The following PKNOX1 variants were observed in gnomAD, a reference collection of about 807,000 sequenced individuals.
PKNOX1 encodes homeobox protein PKNOX1.
In PKNOX1, 15 loss-of-function variants were observed where a neutral mutation model predicts 51.9. The observed-to-expected ratio is 0.29, with a 90% CI of 0.19 to 0.45. The LOEUF is 0.45. PKNOX1 is among the 20% of genes least tolerant of loss of function. PKNOX1 has a pLI of 1.00. For synonymous variants in PKNOX1, 219 were observed against 211.1 expected, an observed-to-expected ratio of 1.04 and a Z score of -0.32; for missense variants, 462 against 547.5, an observed-to-expected ratio of 0.84 and a Z score of 1.56.
At chr21:43,008,281 C>T (rs1034806627) in intron 3 of PKNOX1, among the ~76,000 whole-genome samples, 9 of 152,076 alleles carry the variant, frequency 5.9e-5, no homozygotes, top group African/African-American at 1.7e-4. Context: ...GTGAATGCTT[C>T]CCAACTCACT....
chr21:43,008,096 C>CACACACACACAA (rs1336357559), intron 3 of PKNOX1, among the ~76,000 whole-genome samples: 2 of 145,262 alleles, frequency 1.4e-5, no homozygotes, highest in Admixed American at 6.9e-5. Context: ...CACACACACA[C>CACACACACACAA]AAAGATGTTA....
Position 43,013,304 on chromosome 21 carries a change from A to G in PKNOX1, c.522+66A>G. 2.5e-6 allele frequency: 3 copies of G among 1,185,682 alleles called. No homozygotes were observed. In the South Asian group the frequency reaches 5.0e-5, roughly 20 times the overall value. 73.4% of individuals were successfully genotyped at this position (1,185,682 alleles called of 1,614,324 possible). A position where few individuals can be genotyped will look rare whatever the true frequency, so the allele number is the denominator to read the frequency against. ...GTGAACATCTGCATTGAGTCATGAG[A>G]CCACCAGCTCTTTCAGAATTCACTG... is the stretch of plus-strand genomic sequence containing the variant. On this transcript the variant is annotated intron_variant, in intron 5 of 10. Transcript: ENST00000291547.
intron 9 of PKNOX1, among the ~76,000 whole-genome samples, chr21:43,026,421 GT>G (rs1979984926): frequency 6.6e-6 from 1 of 152,070 alleles, no homozygotes; most frequent in Admixed American, 6.6e-5. Flanking sequence ...CCCATCATTA[GT>G]TCATGCCTCT....
rs377429304 is a variant in PKNOX1, at chr21:42,999,076, C to T, written c.-56-5250C>T. On this transcript the variant is annotated intron_variant, in intron 1 of 10. Transcript: ENST00000291547. ...CAACATCTGCCTGGACATCCAGGCACTTCTGTATATTTTCTGAAATCTAGG... is the reference window on the plus strand; with the variant it reads ...CAACATCTGCCTGGACATCCAGGCATTTCTGTATATTTTCTGAAATCTAGG... Among the ~76,000 whole-genome samples the T allele has an allele frequency of 5.3e-5, 8 of 152,366 alleles. No individual in the cohort carries two copies. The South Asian group carries it at 6.2e-4, about 12-fold the overall frequency.
intron 1 of PKNOX1, among the ~76,000 whole-genome samples, chr21:43,001,053 G>A (rs1978730477): frequency 6.6e-6 from 1 of 152,184 alleles, no homozygotes; most frequent in African/African-American, 2.4e-5. Flanking sequence ...AAATTGGAGG[G>A]AAAGCAGAGA....
intron 9 of PKNOX1, among the ~76,000 whole-genome samples, chr21:43,027,334 T>C (rs1980026535): frequency 1.3e-5 from 2 of 152,210 alleles, no homozygotes; most frequent in South Asian, 4.1e-4. Flanking sequence ...ATGTTGTTTT[T>C]CTTTCCGTTT....
At chr21:43,020,219 C>T (rs1251400401) in intron 7 of PKNOX1, among the ~76,000 whole-genome samples, 1 of 152,232 alleles carries the variant, frequency 6.6e-6, no homozygotes, top group Non-Finnish European at 1.5e-5. Flanking sequence ...AGGTGTGAGC[C>T]ACTGTGCCTG....
intron 5 of PKNOX1, among the ~76,000 whole-genome samples, chr21:43,016,052 T>G (rs1411143808): frequency 2.0e-5 from 3 of 152,262 alleles, no homozygotes; most frequent in Non-Finnish European, 2.9e-5. Flanking sequence ...CTAATTAATG[T>G]GGCAGGCTTT....
chr21:42,984,471 C>T (rs2059041788), intron 1 of PKNOX1, among the ~76,000 whole-genome samples: 1 of 152,046 alleles, frequency 6.6e-6, no homozygotes, highest in South Asian at 2.1e-4. Flanking sequence ...TCACCACAAC[C>T]TCCACCTCCT....
chr21:43,024,756 C>T (rs1979919241), intron 8 of PKNOX1, 115 bp from the exon 9 acceptor site: 3 of 682,322 alleles, frequency 4.4e-6, no homozygotes, highest in Non-Finnish European at 7.8e-6. Context: ...GCTAGAAGCA[C>T]TGTTGACGTG....
rs115138373 is a variant in PKNOX1 at position 43,021,143 on chromosome 21, G to A, written c.721-160G>A. On this transcript the variant is annotated intron_variant, in intron 7 of 10. Coordinates refer to ENST00000291547, the MANE Select transcript of PKNOX1 (RefSeq NM_004571.5). The surrounding 1 kb of genome is among the most constrained non-coding windows in gnomAD (Gnocchi z 4.6). Reference sequence around the variant, plus strand: ...AAAGGCTGGTCATGTGGAGGGAGCCGTGTCCTGAAACATCAGTCCACACAG... The same window carrying A: ...AAAGGCTGGTCATGTGGAGGGAGCCATGTCCTGAAACATCAGTCCACACAG... The A allele has an allele frequency of 3.3e-4, 166 of 506,588 alleles. No homozygotes were observed. Among genetic ancestry groups the A allele is most frequent in the African/African-American group, 2.9e-3 (147 of 50,672 alleles). 31.4% of individuals were successfully genotyped at this position (506,588 alleles called of 1,614,324 possible).
intron 5 of PKNOX1, 113 bp downstream of exon 5, chr21:43,013,351 C>T (rs1979341444): frequency 2.6e-6 from 2 of 770,618 alleles, no homozygotes; most frequent in Non-Finnish European, 4.0e-6. Flanking sequence ...TGACTTTCTA[C>T]AAGAAGGACC....
At chr21:43,013,270 T>C in intron 5 of PKNOX1, 32 bp downstream of exon 5, 2 of 1,504,938 alleles carry the variant, frequency 1.3e-6, no homozygotes, top group Non-Finnish European at 1.8e-6. Flanking sequence ...GCTTTCCCTC[T>C]CTGCCACTGT....
At chr21:42,999,736 C>A (rs1978664677) in intron 1 of PKNOX1, among the ~76,000 whole-genome samples, 1 of 152,188 alleles carries the variant, frequency 6.6e-6, no homozygotes, top group African/African-American at 2.4e-5. Flanking sequence ...GCCTCAGACT[C>A]CCAAAGTGCT....
At chr21:42,990,267 A>G (rs963466566) in intron 1 of PKNOX1, among the ~76,000 whole-genome samples, 10 of 151,498 alleles carry the variant, frequency 6.6e-5, no homozygotes, top group Admixed American at 4.6e-4. Flanking sequence ...ATAAATGAAT[A>G]AATAAATAAA....
rs767370669 is a variant in PKNOX1 at position 43,010,176 on chromosome 21, G to T, written c.303G>T (p.Glu101Asp). The T allele has an allele frequency of 6.2e-7, 1 of 1,600,050 alleles. No individual in the cohort carries two copies. The highest frequency in any genetic ancestry group is 8.5e-7 in the Non-Finnish European group (1 of 1,171,718). Residue 101 changes from glutamate to aspartate, a missense_variant, in exon 4 of 11, where the codon GAG (glutamate) becomes GAT (aspartate). Physicochemically the swap from Glu to Asp is conservative, Grantham distance 45 (BLOSUM62 2). Around this residue, in one of 5 missense-constraint regions of PKNOX1, gnomAD observed 129 missense variants for 133.4 expected, o/e 0.97. Transcript: ENST00000291547. Reference sequence around the variant, plus strand: ...TCGAAAATTTTGTAAGAAAGCAAGAGAAGGAAGGGAAACCTTTCTTTTGTG... The same window carrying T: ...TCGAAAATTTTGTAAGAAAGCAAGATAAGGAAGGGAAACCTTTCTTTTGTG... ...VDIENFVRKQEKEGKPFFCED... is the reference protein window; with the variant it reads ...VDIENFVRKQDKEGKPFFCED...
intron 3 of PKNOX1, among the ~76,000 whole-genome samples, chr21:43,009,338 G>C (rs1979138721): frequency 6.6e-6 from 1 of 152,040 alleles, no homozygotes; most frequent in Admixed American, 6.6e-5. Flanking sequence ...CTAGCTACTT[G>C]GGAGGCTGAG....
rs562259962 is a variant in PKNOX1, at chr21:43,028,849, G to A, written c.1074G>A (p.Pro358=). ...TTGCATCAGGAGTCGCACAGCCACC[G>A]CCGAGCGAGCTCACCATGTCGGAAG... ...DSIASGVAQP[P]PSELTMSEGA... is the part of the protein sequence containing the mutation. Residue 358 remains proline (P), a synonymous_variant, in exon 10 of 11, where the codon CCG becomes CCA. Transcript: ENST00000291547. 15 of 1,614,112 alleles carry A rather than the reference G, an allele frequency of 9.3e-6. No individual in the cohort carries two copies. In the Admixed American group the frequency reaches 1.0e-4, roughly 11 times the overall value.
Position 43,004,433 on chromosome 21 carries a change from G to C in PKNOX1, c.51+1G>C. ...AGACAGCTATCAAGATGGGCAACAG[G>C]TGAGCTTGAACTTGATTCTGCATTC... On this transcript the variant is annotated splice_donor_variant, in intron 2 of 10. Coordinates refer to ENST00000291547, the MANE Select transcript of PKNOX1 (RefSeq NM_004571.5). LOFTEE classifies it high-confidence loss of function. 6.3e-7 allele frequency: 1 copy of C among 1,598,376 alleles called. No homozygotes were observed. The highest frequency in any genetic ancestry group is 8.6e-7 in the Non-Finnish European group (1 of 1,165,748).
Sources: gnomAD v4.1 joint callset for allele counts (sites outside exome capture counted in the v4.1 genomes callset) on GRCh38, gnomAD v4.1.1 for gene constraint, gnomAD v4.1.1 regional missense constraint, Gnocchi (gnomAD v3.1) non-coding constraint, MANE v1.5 for transcripts, NCBI Gene and HGNC (gene_info 2026-07-23, HGNC 2026-07-21) for gene names.